USH2A: variants seen among roughly 807,000 people sequenced by gnomAD.
The protein encoded by USH2A is usherin.
Under a neutral mutation model 538.9 loss-of-function variants are expected in USH2A, and 443 were observed. The ratio of observed to expected loss-of-function variants is 0.82; its 90% confidence interval spans 0.76 to 0.89. The LOEUF is 0.89. Ranked by LOEUF, USH2A falls within the 40% of genes least tolerant of loss-of-function variation. The pLI is 0.00. For missense variants in USH2A, 6,633 were observed against 6,324.8 expected (o/e 1.05, Z -1.65); for synonymous variants, 2,413 against 2,273.5 (o/e 1.06, Z -1.75).
intron 23 of USH2A, 191 bp from the exon 24 acceptor site, chr1:216,087,011 C>T: frequency 1.8e-6 from 1 of 568,230 alleles, no homozygotes; most frequent in South Asian, 1.8e-5. Flanking sequence ...TGGAATGATC[C>T]AGACCGCCTG....
At chr1:215,809,456 CA>C (rs5780854) in intron 49 of USH2A, among the ~76,000 whole-genome samples, 6,047 of 143,414 alleles carry the variant, frequency 0.042, 150 homozygotes, top group African/African-American at 0.074. Context: ...GAAAAGTCTT[CA>C]AAAAAAAAAA....
intron 68 of USH2A, 25 bp downstream of exon 68, chr1:215,640,533 T>G (rs1278988287): frequency 3.1e-6 from 5 of 1,613,024 alleles, no homozygotes; most frequent in Non-Finnish European, 4.2e-6. Flanking sequence ...CCTTCCACAC[T>G]GAGAAACAGG....
At chr1:216,107,684 T>C (rs1043062335) in intron 21 of USH2A, among the ~76,000 whole-genome samples, 10 of 121,500 alleles carry the variant, frequency 8.2e-5, no homozygotes, top group Non-Finnish European at 1.8e-4. Context: ...TACTTTCTTC[T>C]TCTTTTTTTT....
At chr1:216,327,000 C>T (rs2037745873) in intron 5 of USH2A, among the ~76,000 whole-genome samples, 1 of 151,912 alleles carries the variant, frequency 6.6e-6, no homozygotes, top group African/African-American at 2.4e-5. Context: ...TTAAGAAGCC[C>T]TAAGAAAGAT....
intron 69 of USH2A, among the ~76,000 whole-genome samples, chr1:215,638,407 G>A (rs1305821173): frequency 1.3e-5 from 2 of 151,806 alleles, no homozygotes; most frequent in Admixed American, 6.6e-5. Flanking sequence ...ATCACCTGTG[G>A]TCAGGAGTTC....
Position 216,324,167 on chromosome 1 carries a change from C to T in USH2A, c.1328+1G>A. On this transcript the variant is annotated splice_donor_variant, in intron 7 of 71. Transcript: ENST00000307340. LOFTEE classifies it high-confidence loss of function. Reference sequence around the variant, plus strand: ...AATTAATTGTTTAAAAATATTCATACTTGGAAAGCTGAAGACAGTTGACAG... The same window carrying T: ...AATTAATTGTTTAAAAATATTCATATTTGGAAAGCTGAAGACAGTTGACAG... The T allele has an allele frequency of 6.2e-7, 1 of 1,612,528 alleles. No individual in the cohort carries two copies. Among genetic ancestry groups the T allele is most frequent in the Non-Finnish European group, 8.5e-7 (1 of 1,179,210 alleles).
At position 216,422,382 on chromosome 1, in the gene USH2A, A is replaced by G. The variant is rs1317484320; in HGVS notation, c.-46T>C. 6.2e-7 allele frequency: 1 copy of G among 1,612,264 alleles called. No individual in the cohort carries two copies. The highest frequency in any genetic ancestry group is 1.3e-5 in the African/African-American group (1 of 74,904). On this transcript the variant is annotated 5_prime_UTR_variant, in exon 2 of 72. Transcript: ENST00000307340. ...CTCCTGATAAAGCATTTCTAAATAA[A>G]TAATCAGGCCCACGCCACTTGCCAG...
chr1:216,058,099 T>A (rs2031042197), intron 30 of USH2A, among the ~76,000 whole-genome samples: 1 of 152,138 alleles, frequency 6.6e-6, no homozygotes, highest in Non-Finnish European at 1.5e-5. Context: ...TGGCAGGAGC[T>A]CAAGCAGTCA....
chr1:215,789,016 G>A (rs1247913602), intron 51 of USH2A, among the ~76,000 whole-genome samples: 1 of 152,222 alleles, frequency 6.6e-6, no homozygotes, highest in Non-Finnish European at 1.5e-5. Context: ...AGGGAAGACC[G>A]AATGGGCCAG....
At position 215,634,466 on chromosome 1, in the gene USH2A, T is replaced by G; in HGVS notation, c.15290A>C (p.Asn5097Thr). ...ACACCTCTACAAACATACCATATGGTTTTCCCCCGGTGGGTAAACATTCAA... is the reference window on the plus strand; with the variant it reads ...ACACCTCTACAAACATACCATATGGGTTTCCCCCGGTGGGTAAACATTCAA... ...SPLNVYPPGENHMGLADTKIP... is the reference protein window; with the variant it reads ...SPLNVYPPGETHMGLADTKIP... Residue 5097 changes from asparagine to threonine, a missense_variant, in exon 70 of 72, where the codon AAC becomes ACC. Asn to Thr is a moderately conservative substitution (Grantham distance 65). Coordinates refer to ENST00000307340, the MANE Select transcript of USH2A (RefSeq NM_206933.4). 1 of 1,614,184 alleles carries G rather than the reference T, an allele frequency of 6.2e-7. No homozygotes were observed. Among genetic ancestry groups the G allele is most frequent in the Non-Finnish European group, 8.5e-7 (1 of 1,180,024 alleles).
In USH2A at chr1:216,190,239, T is replaced by A. The variant is rs995638344; in HGVS notation, c.4380A>T (p.Gly1460=). 2 of 1,612,448 alleles carry A rather than the reference T, an allele frequency of 1.2e-6. No individual in the cohort carries two copies. Among genetic ancestry groups the A allele is most frequent in the Non-Finnish European group, 1.7e-6 (2 of 1,179,000 alleles). Residue 1460 remains glycine (G), a synonymous_variant, in exon 20 of 72, where the codon GGA becomes GGT. Coordinates refer to ENST00000307340, the MANE Select transcript of USH2A (RefSeq NM_206933.4). The part of the protein sequence containing the change: ...VGCVTSASGA[G]QTLAAAPAQL... ...CTTGCTTACCTGCTGCTAAAGTTTG[T>A]CCTGCTCCCGAAGCACTGGTCACAC...
chr1:216,246,676 C>A lies in USH2A; in HGVS notation c.2718G>T (p.Gly906=). 1.2e-6 allele frequency: 2 copies of A among 1,614,114 alleles called. No homozygotes were observed. The highest frequency in any genetic ancestry group is 1.7e-6 in the Non-Finnish European group (2 of 1,179,974). Residue 906 remains glycine (G), a synonymous_variant, in exon 13 of 72, where the codon GGG becomes GGT. Transcript: ENST00000307340. ...HCQMCECDSL[G]TLPGTICDPI... ...GGTCACAAATGGTCCCAGGTAATGT[C>A]CCCAAGGAATCACACTCACACATCT...
intron 27 of USH2A, among the ~76,000 whole-genome samples, chr1:216,075,233 A>G (rs1363004337): frequency 2.0e-5 from 3 of 152,104 alleles, no homozygotes; most frequent in Non-Finnish European, 4.4e-5. Context: ...GGCCTTGGAG[A>G]CTGCTGAGCT....
intron 58 of USH2A, among the ~76,000 whole-genome samples, chr1:215,756,115 A>G (rs1660787387): frequency 6.6e-6 from 1 of 152,212 alleles, no homozygotes; most frequent in African/African-American, 2.4e-5. Flanking sequence ...ACTAGATAAT[A>G]TATTTATCAT....
chr1:215,854,612 G>A (rs1244652936), intron 44 of USH2A, among the ~76,000 whole-genome samples: 1 of 152,206 alleles, frequency 6.6e-6, no homozygotes, highest in African/African-American at 2.4e-5. Flanking sequence ...CTCTTCTGCA[G>A]AGAAAGAAGG....
In USH2A at chr1:215,647,659, G is replaced by T. The variant is rs2102642208; in HGVS notation, c.14654C>A (p.Thr4885Lys). Residue 4885 changes from threonine (T) to lysine (K), a missense_variant, in exon 67 of 72, where the codon ACA becomes AAA. Transcript: ENST00000307340. ...ALPCTPSQIE[T>K]KYTGLGQKAS... is the part of the protein sequence containing the mutation. Reference sequence around the variant, plus strand: ...TTTCTGCCCCAGCCCCGTGTACTTTGTTTCTATTTGGCTGGGAGTACAGGG... The same window carrying T: ...TTTCTGCCCCAGCCCCGTGTACTTTTTTTCTATTTGGCTGGGAGTACAGGG... The T allele has an allele frequency of 6.2e-7, 1 of 1,614,170 alleles. No individual in the cohort carries two copies. Among genetic ancestry groups the T allele is most frequent in the Non-Finnish European group, 8.5e-7 (1 of 1,180,032 alleles).
intron 64 of USH2A, among the ~76,000 whole-genome samples, chr1:215,651,579 C>T (rs150940412): frequency 6.6e-5 from 10 of 151,154 alleles, no homozygotes; most frequent in African/African-American, 2.2e-4. Context: ...TATATATTTT[C>T]TAAAAATTTG....
At chr1:216,210,696 T>G (rs2035221049) in intron 15 of USH2A, among the ~76,000 whole-genome samples, 1 of 152,178 alleles carries the variant, frequency 6.6e-6, no homozygotes, top group Non-Finnish European at 1.5e-5. Context: ...TGTGGTAGTC[T>G]GCCACATCCA....
chr1:216,277,465 G>T (rs1470394172), intron 11 of USH2A, among the ~76,000 whole-genome samples: 2 of 152,040 alleles, frequency 1.3e-5, no homozygotes, highest in African/African-American at 4.8e-5. Context: ...AATATTAATG[G>T]CTTGGCACCC....
Sources: gnomAD v4.1 joint callset for allele counts (sites outside exome capture counted in the v4.1 genomes callset) on GRCh38, gnomAD v4.1.1 for gene constraint, MANE v1.5 for transcripts, NCBI Gene and HGNC (gene_info 2026-07-23, HGNC 2026-07-21) for gene names.